AK4: variants seen among roughly 807,000 people sequenced by gnomAD.
AK4 encodes the protein adenylate kinase 4, mitochondrial.
AK4 carries 13 observed loss-of-function variants against 24.6 expected under a neutral mutation model. The ratio of observed to expected loss-of-function variants is 0.53; its 90% CI spans 0.34 to 0.84. The LOEUF is 0.84. Ranked by LOEUF, AK4 falls within the 40% of genes least tolerant of loss-of-function variation. The pLI is 0.01. For missense variants in AK4, 192 were observed against 288.2 expected (o/e 0.67, Z 2.42); for synonymous variants, 88 against 107.0 (o/e 0.82, Z 1.10).
Position 65,184,119 on chromosome 1 carries a change from C to G in AK4, c.146-6591C>G, listed in dbSNP as rs982001344. Among the ~76,000 whole-genome samples, 7 of 152,182 alleles carry G rather than the reference C, an allele frequency of 4.6e-5. No individual in the cohort carries two copies. The South Asian group carries it at 8.3e-4, about 18-fold the overall frequency. ...TTAGAAATTGAAAATATATATTTCT[C>G]AAGGTTACCAAGATTATATCTATTT... On this transcript the variant is annotated intron_variant, in intron 1 of 4. Coordinates refer to ENST00000327299, the MANE Select transcript of AK4 (RefSeq NM_013410.4).
Position 65,148,430 on chromosome 1 carries a change from C to T in AK4, c.23C>T (p.Ala8Val). Residue 8 changes from alanine to valine, a missense_variant, in exon 1 of 5, where the codon GCG becomes GTG. Ala to Val is a moderately conservative substitution (Grantham distance 64). Transcript: ENST00000327299. ...GCAATGGCTTCCAAACTCCTGCGCGCGGTCATCCTCGGGCCGCCCGGCTCG... is the reference window on the plus strand; with the variant it reads ...GCAATGGCTTCCAAACTCCTGCGCGTGGTCATCCTCGGGCCGCCCGGCTCG... The part of the protein sequence containing the change: MASKLLR[A>V]VILGPPGSGK... 8 of 1,554,440 alleles carry T rather than the reference C, an allele frequency of 5.1e-6. No homozygotes were observed. The highest frequency in any genetic ancestry group is 2.2e-4 in the Middle Eastern group (1 of 4,462).
rs1400879631 is a variant in AK4 at position 65,231,049 on chromosome 1, AT to A, written c.*4873del. 2 of 152,202 alleles carry A rather than the reference AT, an allele frequency of 1.3e-5. No individual in the cohort carries two copies. Among genetic ancestry groups the A allele is most frequent in the African/African-American group, 2.4e-5 (1 of 41,436 alleles). 9.4% of individuals were successfully genotyped at this position (152,202 alleles called of 1,614,324 possible). ...GGTCTATTTGGTGTCTTTAAAAAAA[AT>A]AACCTAGTAATAAAGACTTCTTTTA... On this transcript the variant is annotated 3_prime_UTR_variant, in exon 5 of 5. Transcript: ENST00000327299.
At chr1:65,192,931 C>T (rs550259339) in intron 2 of AK4, among the ~76,000 whole-genome samples, 2 of 152,342 alleles carry the variant, frequency 1.3e-5, no homozygotes, top group South Asian at 4.1e-4. Flanking sequence ...TCAGAAGCCC[C>T]ACCCTCTGTG....
At chr1:65,160,045 A>G (rs1650108161) in intron 1 of AK4, among the ~76,000 whole-genome samples, 1 of 152,132 alleles carries the variant, frequency 6.6e-6, no homozygotes, top group Non-Finnish European at 1.5e-5. Flanking sequence ...CCTAAGTCAA[A>G]CAGCTAGTTA....
rs571591847 is a variant in AK4, at chr1:65,197,170, A to G, written c.265+6341A>G. Among the ~76,000 whole-genome samples the G allele has an allele frequency of 3.3e-4, 50 of 152,202 alleles. 1 individual carries two copies. In the South Asian group the frequency reaches 1.0e-2, roughly 30 times the overall value. ...GGACACAGCCAAACCACATCAGGCC[A>G]GCAGTGAGGTATAGCCATAGAGAGA... is the stretch of plus-strand genomic sequence containing the variant. On this transcript the variant is annotated intron_variant, in intron 2 of 4. Transcript: ENST00000327299.
intron 1 of AK4, among the ~76,000 whole-genome samples, chr1:65,181,976 C>T (rs1024500659): frequency 2.6e-5 from 4 of 152,072 alleles, no homozygotes; most frequent in African/African-American, 4.8e-5. Flanking sequence ...AGTGCAGTGG[C>T]GCAGTCATAG....
intron 1 of AK4, among the ~76,000 whole-genome samples, chr1:65,186,117 A>G (rs1483398869): frequency 8.6e-5 from 13 of 151,914 alleles, no homozygotes; most frequent in Non-Finnish European, 1.9e-4. Flanking sequence ...ATATTTTTTA[A>G]ATTTTTAAAT....
At chr1:65,165,955 T>A (rs1246251012) in intron 1 of AK4, 1 of 152,166 alleles carries the variant, frequency 6.6e-6, no homozygotes, top group Non-Finnish European at 1.5e-5. Flanking sequence ...AAGAGGATAA[T>A]GAGCTTAACA....
chr1:65,199,750 A>G (rs1171301485), intron 2 of AK4, among the ~76,000 whole-genome samples: 1 of 152,156 alleles, frequency 6.6e-6, no homozygotes, highest in East Asian at 1.9e-4. Flanking sequence ...GACCAGAAGT[A>G]TTTTGGATTT....
chr1:65,218,841 C>T lies in AK4; in HGVS notation c.353C>T (p.Thr118Ile), dbSNP rs1652210883. 6.2e-7 allele frequency: 1 copy of T among 1,607,818 alleles called. No homozygotes were observed. The highest frequency in any genetic ancestry group is 8.5e-7 in the Non-Finnish European group (1 of 1,177,240). Residue 118 changes from threonine to isoleucine, a missense_variant, in exon 3 of 5, where the codon ACA (threonine) becomes ATA (isoleucine). Coordinates refer to ENST00000327299, the MANE Select transcript of AK4 (RefSeq NM_013410.4). ...ATCAGTTTGAATATTCCATTTGAAA[C>T]ACTTAAAGATCGTCTCAGCCGCCGT... ...LVISLNIPFE[T>I]LKDRLSRRWI...
At chr1:65,175,769 G>C (rs191568406) in intron 1 of AK4, among the ~76,000 whole-genome samples, 1 of 152,152 alleles carries the variant, frequency 6.6e-6, no homozygotes, top group African/African-American at 2.4e-5. Context: ...TGAGGAGACG[G>C]TTAAACATTC....
intron 2 of AK4, among the ~76,000 whole-genome samples, chr1:65,202,913 C>T (rs574432518): frequency 5.2e-5 from 6 of 114,688 alleles, no homozygotes; most frequent in Non-Finnish European, 7.0e-5. Flanking sequence ...GCTCTGTCAC[C>T]CAGACTGGAG....
Position 65,172,855 on chromosome 1 carries a change from ATT to A in AK4, c.146-17831_146-17830del, listed in dbSNP as rs11408059. On this transcript the variant is annotated intron_variant, in intron 1 of 4. Transcript: ENST00000327299. The stretch of plus-strand genomic sequence containing the variant: ...TCTGGGCCATCTTGGCCAGCAAGAG[ATT>A]TTTTTTTTTTTTTTTTTTTTTTTGA... 2.4e-3 allele frequency among the ~76,000 whole-genome samples: 263 copies of A among 110,888 alleles called. 1 individual carries two copies. Among genetic ancestry groups the A allele is most frequent in the African/African-American group, 9.5e-3 (248 of 26,018 alleles). The allele number at this position is 110,888 out of a possible 152,430, so 72.7% of individuals were successfully genotyped here.
intron 1 of AK4, among the ~76,000 whole-genome samples, chr1:65,172,308 A>C (rs1035213546): frequency 2.6e-5 from 4 of 151,660 alleles, no homozygotes; most frequent in Admixed American, 1.3e-4. Flanking sequence ...AAATAAAAAG[A>C]AAAAAGGGAG....
chr1:65,187,534 A>G (rs892829543), intron 1 of AK4, among the ~76,000 whole-genome samples: 5 of 152,122 alleles, frequency 3.3e-5, no homozygotes, highest in Admixed American at 6.6e-5. Flanking sequence ...CATTGAGACT[A>G]TACTGAAAGC....
intron 1 of AK4, among the ~76,000 whole-genome samples, chr1:65,185,063 A>G (rs1651051143): frequency 6.6e-6 from 1 of 152,134 alleles, no homozygotes; most frequent in Non-Finnish European, 1.5e-5. Context: ...CTTGTGTTGA[A>G]TTAACTCAAG....
intron 1 of AK4, among the ~76,000 whole-genome samples, chr1:65,188,689 A>G (rs1651185309): frequency 6.6e-6 from 1 of 151,872 alleles, no homozygotes; most frequent in South Asian, 2.1e-4. Flanking sequence ...CGTGTTAGCC[A>G]GGATGGTCTT....
In AK4 at chr1:65,174,609, G is replaced by A. The variant is rs550624491; in HGVS notation, c.146-16101G>A. On this transcript the variant is annotated intron_variant, in intron 1 of 4. Transcript: ENST00000327299. ...AAGACCTGCCCTTGAGGTGTTCTCA[G>A]TTCACAAGGGGAAAGGGGAAAGGGA... Among the ~76,000 whole-genome samples the A allele has an allele frequency of 3.3e-5, 5 of 152,292 alleles. No homozygotes were observed. In the East Asian group the frequency reaches 9.6e-4, roughly 29 times the overall value.
At chr1:65,177,962 C>T (rs1650772867) in intron 1 of AK4, among the ~76,000 whole-genome samples, 1 of 151,514 alleles carries the variant, frequency 6.6e-6, no homozygotes, top group African/African-American at 2.4e-5. Flanking sequence ...CATTGCTGCA[C>T]ATGATGTTTC....
Sources: gnomAD v4.1 joint callset for allele counts (sites outside exome capture counted in the v4.1 genomes callset) on GRCh38, gnomAD v4.1.1 for gene constraint, MANE v1.5 for transcripts, NCBI Gene and HGNC (gene_info 2026-07-23, HGNC 2026-07-21) for gene names.